CTDSPL: variants seen among roughly 807,000 people sequenced by gnomAD.
CTDSPL encodes CTD small phosphatase like, also known as CTD small phosphatase-like protein.
Under a neutral mutation model 30.5 loss-of-function variants are expected in CTDSPL, and 8 were observed. That is an observed-to-expected ratio of 0.26 (90% CI 0.15 to 0.47). The LOEUF is 0.47. Ranked by LOEUF, CTDSPL falls within the 20% of genes least tolerant of loss-of-function variation. CTDSPL has a pLI of 0.99. For synonymous variants in CTDSPL, 110 were observed against 137.9 expected, an observed-to-expected ratio of 0.80 and a Z score of 1.42; for missense variants, 248 against 366.1, an observed-to-expected ratio of 0.68 and a Z score of 2.63.
chr3:37,978,946 T>C (rs555954141), intron 7 of CTDSPL, among the ~76,000 whole-genome samples: 8 of 152,350 alleles, frequency 5.3e-5, no homozygotes, highest in African/African-American at 1.4e-4. Context: ...AATACAACGT[T>C]ACGTTTTTAT....
At chr3:37,964,742 C>T in intron 4 of CTDSPL, 70 bp downstream of exon 4, 1 of 1,227,842 alleles carries the variant, frequency 8.1e-7, no homozygotes, top group Non-Finnish European at 1.2e-6. Context: ...AAAGGGAAAA[C>T]AAAAAGGATG....
intron 2 of CTDSPL, among the ~76,000 whole-genome samples, chr3:37,949,109 C>T (rs1327512097): frequency 3.9e-5 from 6 of 152,010 alleles, no homozygotes; most frequent in South Asian, 2.1e-4. Flanking sequence ...CGTGAGCCAC[C>T]GCGCCCGGCC....
intron 4 of CTDSPL, among the ~76,000 whole-genome samples, chr3:37,967,096 G>A (rs1699307030): frequency 6.6e-6 from 1 of 152,228 alleles, no homozygotes; most frequent in East Asian, 1.9e-4. Flanking sequence ...TGGATGTTGT[G>A]TTCCTTGGAG....
At chr3:37,952,928 T>C (rs1379003833) in intron 2 of CTDSPL, among the ~76,000 whole-genome samples, 2 of 152,262 alleles carry the variant, frequency 1.3e-5, no homozygotes. Context: ...CTGAGCCTTT[T>C]GTTCTGTGGC....
At position 37,982,730 on chromosome 3, in the gene CTDSPL, C is replaced by G; in HGVS notation, c.*1863C>G. On this transcript the variant is annotated 3_prime_UTR_variant, in exon 8 of 8. Transcript: ENST00000273179. ...CATGCCAATTCAAATAGAACAGCCC[C>G]TTGCTAGATATTACCACAGATAATG... 1 of 442,178 alleles carries G rather than the reference C, an allele frequency of 2.3e-6. No homozygotes were observed. Among genetic ancestry groups the G allele is most frequent in the Admixed American group, 2.4e-5 (1 of 41,442 alleles). 27.4% of individuals were successfully genotyped at this position (442,178 alleles called of 1,614,324 possible).
rs1055861814 is a variant in CTDSPL, at chr3:37,975,104, A to G, written c.520-605A>G. The stretch of plus-strand genomic sequence containing the variant: ...CAAGACCTGAAAAACCAGGAGACAG[A>G]TGTTCTGCAAAGAGCTGGGGAGAGA... On this transcript the variant is annotated intron_variant, in intron 6 of 7. Coordinates refer to ENST00000273179, the MANE Select transcript of CTDSPL (RefSeq NM_001008392.2). The surrounding 1 kb of genome is among the most constrained non-coding windows in gnomAD (Gnocchi z 4.9). Among the ~76,000 whole-genome samples, 1 of 152,232 alleles carries G rather than the reference A, an allele frequency of 6.6e-6. No individual in the cohort carries two copies. The highest frequency in any genetic ancestry group is 1.5e-5 in the Non-Finnish European group (1 of 68,044).
In CTDSPL at chr3:37,951,263, G is replaced by C. The variant is rs569741652; in HGVS notation, c.234+4052G>C. The stretch of plus-strand genomic sequence containing the variant: ...GGCACCTGTAGTCCCAGCTACTTGG[G>C]AGGCTGAGGCAGGAGAATGGTGTGA... On this transcript the variant is annotated intron_variant, in intron 2 of 7. Coordinates refer to ENST00000273179, the MANE Select transcript of CTDSPL (RefSeq NM_001008392.2). Among the ~76,000 whole-genome samples, 334 of 152,244 alleles carry C rather than the reference G, an allele frequency of 2.2e-3. 4 individuals are homozygous for C. Among genetic ancestry groups the C allele is most frequent in the African/African-American group, 7.8e-3 (324 of 41,526 alleles).
chr3:37,968,028 C>CT (rs1036017260), intron 5 of CTDSPL, 146 bp downstream of exon 5: 2 of 590,868 alleles, frequency 3.4e-6, no homozygotes, highest in Non-Finnish European at 5.8e-6. Context: ...CAATGTTTTT[C>CT]TTTTTTTCAC....
At chr3:37,932,732 G>A (rs1213391174) in intron 1 of CTDSPL, among the ~76,000 whole-genome samples, 1 of 152,228 alleles carries the variant, frequency 6.6e-6, no homozygotes, top group Non-Finnish European at 1.5e-5. Flanking sequence ...GTGTACACTA[G>A]CACTGCCTTC....
Position 37,903,921 on chromosome 3 carries a change from C to T in CTDSPL, c.79+41643C>T, listed in dbSNP as rs553855829. 5.3e-5 allele frequency among the ~76,000 whole-genome samples: 8 copies of T among 152,336 alleles called. No individual in the cohort carries two copies. In the South Asian group the frequency reaches 1.7e-3, roughly 32 times the overall value. ...CCAGGCCAGCCTTTACTGCCGCTGC[C>T]ACCAGGTTACTGACTTATTCAAGCA... is the stretch of plus-strand genomic sequence containing the variant. On this transcript the variant is annotated intron_variant, in intron 1 of 7. Transcript: ENST00000273179.
chr3:37,898,602 GT>G (rs1323645986), intron 1 of CTDSPL, among the ~76,000 whole-genome samples: 2 of 152,084 alleles, frequency 1.3e-5, no homozygotes, highest in Non-Finnish European at 2.9e-5. Context: ...TTTATAAAAT[GT>G]TTTTTGTTGC....
At position 37,927,525 on chromosome 3, in the gene CTDSPL, G is replaced by T. The variant is rs530847198; in HGVS notation, c.80-19532G>T. Among the ~76,000 whole-genome samples the T allele has an allele frequency of 4.3e-4, 66 of 152,016 alleles. No individual in the cohort carries two copies. The South Asian group carries it at 0.014, about 31-fold the overall frequency. ...ACCATGTGTGATGAAGATTGCATAA[G>T]GTTGGCATGTGAGCCACTGGCATGA... On this transcript the variant is annotated intron_variant, in intron 1 of 7. Coordinates refer to ENST00000273179, the MANE Select transcript of CTDSPL (RefSeq NM_001008392.2).
At chr3:37,944,982 A>ATTAG (rs61590335) in intron 1 of CTDSPL, among the ~76,000 whole-genome samples, 4,937 of 150,176 alleles carry the variant, frequency 0.033, 339 homozygotes, top group African/African-American at 0.11. Context: ...TCATTTGTTA[A>ATTAG]TTAGTTAGTT....
chr3:37,938,467 C>T (rs1158704470), intron 1 of CTDSPL, among the ~76,000 whole-genome samples: 1 of 150,142 alleles, frequency 6.7e-6, no homozygotes, highest in African/African-American at 2.4e-5. Context: ...TGAAGGGAAC[C>T]AGTTAGGTCA....
intron 1 of CTDSPL, among the ~76,000 whole-genome samples, chr3:37,905,609 C>G (rs1028494774): frequency 1.3e-5 from 2 of 152,206 alleles, no homozygotes; most frequent in African/African-American, 4.8e-5. Flanking sequence ...CCTCCTTGTG[C>G]CACAGCTGGG....
rs1699416054 is a variant in CTDSPL, at chr3:37,975,619, A to T, written c.520-90A>T. 6 of 1,202,802 alleles carry T rather than the reference A, an allele frequency of 5.0e-6. No homozygotes were observed. Among genetic ancestry groups the T allele is most frequent in the African/African-American group, 1.5e-5 (1 of 65,638 alleles). 74.5% of individuals were successfully genotyped at this position (1,202,802 alleles called of 1,614,324 possible). A position where few individuals can be genotyped will look rare whatever the true frequency, so the allele number is the denominator to read the frequency against. ...ACATCTAATTATTAAATCCATTTTT[A>T]AAAAACGTAATCTGGATCTTGCTGC... is the stretch of plus-strand genomic sequence containing the variant. On this transcript the variant is annotated intron_variant, in intron 6 of 7. Coordinates refer to ENST00000273179, the MANE Select transcript of CTDSPL (RefSeq NM_001008392.2). The surrounding 1 kb of genome is among the most constrained non-coding windows in gnomAD (Gnocchi z 4.9).
intron 1 of CTDSPL, among the ~76,000 whole-genome samples, chr3:37,905,637 C>G (rs1186345592): frequency 6.6e-6 from 1 of 152,210 alleles, no homozygotes; most frequent in African/African-American, 2.4e-5. Flanking sequence ...GAAGTGCAGA[C>G]ATGTTCTCCA....
chr3:37,883,642 A>C (rs1000156432), intron 1 of CTDSPL, among the ~76,000 whole-genome samples: 5 of 152,240 alleles, frequency 3.3e-5, no homozygotes. Flanking sequence ...ATTCTCTGGC[A>C]GAATTTGTGA....
chr3:37,948,970 G>A (rs1307655475), intron 2 of CTDSPL, among the ~76,000 whole-genome samples: 2 of 151,044 alleles, frequency 1.3e-5, no homozygotes, highest in Non-Finnish European at 3.0e-5. Context: ...ACAGGCGCCC[G>A]CCACCGCGCC....
Sources: allele counts gnomAD v4.1 joint callset (sites outside exome capture counted in the v4.1 genomes callset), GRCh38; gene constraint gnomAD v4.1.1; non-coding constraint Gnocchi (gnomAD v3.1); transcripts MANE v1.5; gene names NCBI Gene and HGNC (gene_info 2026-07-23, HGNC 2026-07-21).